Variants in PRRC2B observed in about 807,000 individuals in gnomAD.
PRRC2B encodes proline rich coiled-coil 2B, also known as protein PRRC2B.
In PRRC2B, 68 loss-of-function variants were observed where a neutral mutation model predicts 242.3. That is an observed-to-expected ratio of 0.28 (90% CI 0.23 to 0.34). The LOEUF (loss-of-function observed/expected upper bound fraction) is 0.34. Among genes scored for constraint, PRRC2B ranks in the 10% least tolerant of loss-of-function variants. PRRC2B has a pLI of 1.00. For missense variants in PRRC2B, 2,835 were observed against 2,954.8 expected (o/e 0.96, Z 0.94); for synonymous variants, 1,228 against 1,173.6 (o/e 1.05, Z -0.95).
At chr9:131,376,165 A>C (rs1836681732) in intron 1 of PRRC2B, among the ~76,000 whole-genome samples, 1 of 151,852 alleles carries the variant, frequency 6.6e-6, no homozygotes, top group Non-Finnish European at 1.5e-5. Context: ...CAGCCTGACC[A>C]ACATGGTGAA....
rs1836680312 is a variant in PRRC2B at position 131,376,075 on chromosome 9, A to G, written c.-56+2344A>G. Among the ~76,000 whole-genome samples the G allele has an allele frequency of 2.7e-5, 4 of 146,848 alleles. 1 individual carries two copies. In the South Asian group the frequency reaches 8.7e-4, roughly 32 times the overall value. ...AAAAAAAAAAAAAAAAAGGCCGGGC[A>G]TGGTGGCTCACGTCTGTAATCCCAG... On this transcript the variant is annotated intron_variant, in intron 1 of 1. Transcript: ENST00000682525.
rs1217321876 is a variant in PRRC2B at position 131,500,124 on chromosome 9, A to G, written c.*4250A>G. On this transcript the variant is annotated 3_prime_UTR_variant, in exon 32 of 32. Coordinates refer to ENST00000683519, the MANE Select transcript of PRRC2B (RefSeq NM_013318.4). The stretch of plus-strand genomic sequence containing the variant: ...CAGTACCTATTGTTTCTCCTTTCAA[A>G]TATGTGATTGTACTAGCTCTTTCCA... 1 of 152,168 alleles carries G rather than the reference A, an allele frequency of 6.6e-6. No homozygotes were observed. The highest frequency in any genetic ancestry group is 6.5e-5 in the Admixed American group (1 of 15,282). The allele number at this position is 152,168 out of a possible 1,614,324, so 9.4% of individuals were successfully genotyped here.
intron 10 of PRRC2B, 102 bp downstream of exon 10, chr9:131,455,268 A>G (rs961211248): frequency 3.9e-6 from 3 of 776,714 alleles, no homozygotes; most frequent in African/African-American, 1.8e-5. Context: ...GGAATGGCAG[A>G]CAGATGCTGT....
intron 9 of PRRC2B, among the ~76,000 whole-genome samples, chr9:131,453,747 G>A (rs1259234496): frequency 6.6e-6 from 1 of 152,144 alleles, no homozygotes; most frequent in Non-Finnish European, 1.5e-5. Context: ...TGCCCAGGCT[G>A]GTTCAAATTC....
intron 1 of PRRC2B, among the ~76,000 whole-genome samples, chr9:131,424,362 G>A (rs563196533): frequency 6.6e-6 from 1 of 152,102 alleles, no homozygotes; most frequent in African/African-American, 2.4e-5. Flanking sequence ...GGCCAATAGC[G>A]TGCCCAACAA....
chr9:131,494,533 G>A lies in PRRC2B; in HGVS notation c.6555+47G>A, dbSNP rs1207647598. 20 of 1,043,610 alleles carry A rather than the reference G, an allele frequency of 1.9e-5. No individual in the cohort carries two copies. Among genetic ancestry groups the A allele is most frequent in the Admixed American group, 4.4e-5 (2 of 45,322 alleles). 64.6% of individuals were successfully genotyped at this position (1,043,610 alleles called of 1,614,324 possible). ...CCTTCAGCCCTGGACACTTAGGCCC[G>A]TCTCCAAGCGCCAAAAGAGAAGGGA... On this transcript the variant is annotated intron_variant, in intron 31 of 31. Coordinates refer to ENST00000683519, the MANE Select transcript of PRRC2B (RefSeq NM_013318.4). The surrounding 1 kb of genome is among the most constrained non-coding windows in gnomAD (Gnocchi z 4.3).
intron 3 of PRRC2B, among the ~76,000 whole-genome samples, chr9:131,435,297 C>G (rs528443140): frequency 7.8e-6 from 1 of 129,022 alleles, no homozygotes; most frequent in East Asian, 2.3e-4. Context: ...GATTCCATCT[C>G]GAAAAAAAAG....
chr9:131,492,383 A>G, intron 30 of PRRC2B, 123 bp downstream of exon 30: 1 of 698,942 alleles, frequency 1.4e-6, no homozygotes, highest in Admixed American at 2.3e-5. Flanking sequence ...TCTATGGGCC[A>G]TGTGTCACTG....
intron 1 of PRRC2B, among the ~76,000 whole-genome samples, chr9:131,406,799 C>G (rs1388418975): frequency 6.6e-6 from 1 of 151,884 alleles, no homozygotes; most frequent in Non-Finnish European, 1.5e-5. Flanking sequence ...ACAGGCGTGT[C>G]ACAGTTACAA....
chr9:131,387,152 C>A (rs1467174502), intron 1 of PRRC2B, among the ~76,000 whole-genome samples: 3 of 150,306 alleles, frequency 2.0e-5, no homozygotes, highest in African/African-American at 7.3e-5. Context: ...CAGGCATGCA[C>A]CACCACGCCT....
chr9:131,436,543 T>G, intron 3 of PRRC2B, 77 bp from the exon 4 acceptor site: 1 of 1,130,832 alleles, frequency 8.8e-7, no homozygotes, highest in Non-Finnish European at 1.3e-6. Context: ...GCTGAACAGC[T>G]GTGGCTCCTG....
intron 1 of PRRC2B, among the ~76,000 whole-genome samples, chr9:131,409,689 C>T (rs1837456159): frequency 6.6e-6 from 1 of 152,172 alleles, no homozygotes; most frequent in Non-Finnish European, 1.5e-5. Flanking sequence ...CTCCAGGCTT[C>T]GTATTCCACG....
intron 1 of PRRC2B, among the ~76,000 whole-genome samples, chr9:131,412,096 T>C (rs1354077401): frequency 6.6e-6 from 1 of 152,180 alleles, no homozygotes; most frequent in Admixed American, 6.5e-5. Context: ...TGTGAGCCAC[T>C]GTACCTGGCC....
At chr9:131,384,620 A>G (rs935050945) in intron 1 of PRRC2B, among the ~76,000 whole-genome samples, 3 of 149,314 alleles carry the variant, frequency 2.0e-5, no homozygotes, top group Non-Finnish European at 4.4e-5. Context: ...GGGTTTCACC[A>G]TCTTGGCCAG....
rs1017152266 is a variant in PRRC2B, at chr9:131,477,978, A to G, written c.4612+29A>G. 3 of 1,600,986 alleles carry G rather than the reference A, an allele frequency of 1.9e-6. No homozygotes were observed. In the African/African-American group the frequency reaches 4.0e-5, roughly 21 times the overall value. Reference sequence around the variant, plus strand: ...AGTCATCCTCATATCTTCAGGGGAAAGAACTCAGGCAGAACCAGGGGCCAT... The same window carrying G: ...AGTCATCCTCATATCTTCAGGGGAAGGAACTCAGGCAGAACCAGGGGCCAT... On this transcript the variant is annotated intron_variant, in intron 17 of 31. Coordinates refer to ENST00000683519, the MANE Select transcript of PRRC2B (RefSeq NM_013318.4).
chr9:131,495,155 G>A (rs527625009), intron 31 of PRRC2B, among the ~76,000 whole-genome samples: 5 of 152,228 alleles, frequency 3.3e-5, no homozygotes, highest in Admixed American at 1.3e-4. Flanking sequence ...GGGCAGATGC[G>A]CTGGCTGCTC....
intron 1 of PRRC2B, among the ~76,000 whole-genome samples, chr9:131,420,674 G>T (rs766821484): frequency 6.6e-6 from 1 of 150,802 alleles, no homozygotes; most frequent in Non-Finnish European, 1.5e-5. Flanking sequence ...ATTTTCAGTA[G>T]AGTCAGGGTG....
At chr9:131,429,987 A>G (rs1838079719) in intron 1 of PRRC2B, 107 bp from the exon 2 acceptor site, 1 of 607,960 alleles carries the variant, frequency 1.6e-6, no homozygotes, top group Non-Finnish European at 2.9e-6. Context: ...AAGGAGATCC[A>G]TGATTCGTGA....
rs115324010 is a variant in PRRC2B, at chr9:131,421,882, C to T, written c.-51-8212C>T. ...TGACTTATATCAGAACCCATTGTGC[C>T]GCCTTTCGTGTCTGCACCGGTACTC... On this transcript the variant is annotated intron_variant, in intron 1 of 31. Transcript: ENST00000683519. Among the ~76,000 whole-genome samples, 440 of 152,234 alleles carry T rather than the reference C, an allele frequency of 2.9e-3. 1 individual carries two copies. The highest frequency in any genetic ancestry group is 0.014 in the Middle Eastern group (4 of 294).
Sources: gnomAD v4.1 joint callset for allele counts (sites outside exome capture counted in the v4.1 genomes callset) on GRCh38, gnomAD v4.1.1 for gene constraint, Gnocchi (gnomAD v3.1) non-coding constraint, MANE v1.5 for transcripts, NCBI Gene and HGNC (gene_info 2026-07-23, HGNC 2026-07-21) for gene names.